The following MAGIX variants were observed in gnomAD, a reference collection of about 807,000 sequenced individuals.
The protein encoded by MAGIX is MAGI family member, X-linked.
Under a neutral mutation model 10.0 loss-of-function variants are expected in MAGIX, and 13 were observed. The observed-to-expected ratio is 1.30, with a 90% CI of 0.84 to 2.06. The LOEUF is 2.06. Ranked by LOEUF, MAGIX falls within the 30% of genes most tolerant of loss-of-function variation. The pLI is 0.00. For missense variants in MAGIX, 235 were observed against 245.2 expected (o/e 0.96, Z 0.28); for synonymous variants, 108 against 106.8 (o/e 1.01, Z -0.07).
chrX:49,165,680 C>T (rs1304075017), intron 4 of MAGIX: 1 of 310,627 alleles, frequency 3.2e-6, no homozygotes, highest in East Asian at 5.1e-5. Context: ...TTCTCAGAGG[C>T]GAAGGCAGAG....
chrX:49,163,890 C>T lies in MAGIX; in HGVS notation c.-94C>T, dbSNP rs782090409. The T allele has an allele frequency of 6.3e-5, 65 of 1,029,289 alleles. No individual in the cohort carries two copies. The African/African-American group carries it at 8.3e-4, about 13-fold the overall frequency. 84.8% of individuals were successfully genotyped at this position (1,029,289 alleles called of 1,213,427 possible). On this transcript the variant is annotated 5_prime_UTR_variant, in exon 2 of 5. Coordinates refer to ENST00000616266, the Ensembl canonical transcript of MAGIX. ...TGCGGTCGACGTGGCAGCGCTGGTA[C>T]GCAGGGCGGGCGCCACATTGCGCCT...
chrX:49,165,757 A>G, intron 4 of MAGIX: 1 of 330,889 alleles, frequency 3.0e-6, no homozygotes, highest in Non-Finnish European at 5.2e-6. Context: ...TGAAAAACAA[A>G]GGGTCGGTGG....
chrX:49,165,169 G>T (rs1557097488), intron 3 of MAGIX, 21 bp from the exon 5 acceptor site: 2 of 1,198,708 alleles, frequency 1.7e-6, no homozygotes, highest in African/African-American at 3.5e-5. Context: ...TTTCCAACAC[G>T]ACTGCATTGC....
chrX:49,165,265 C>T lies in MAGIX; in HGVS notation c.406C>T (p.Arg136Ter), dbSNP rs192451933. 1.1e-5 allele frequency: 13 copies of T among 1,179,987 alleles called. No homozygotes were observed. The highest frequency in any genetic ancestry group is 9.4e-5 in the East Asian group (3 of 31,782). ...CCATGCCCAGGCCGTGGAGCGGATC[C>T]GAGCTGGAGGCCCCCAGCTCCACCT... is the stretch of plus-strand genomic sequence containing the variant. The change falls in exon 4 of 5, where the codon CGA (arginine) becomes TGA (stop). Residue 136 changes from arginine (R) to a stop codon, truncating the protein, a stop_gained. Coordinates refer to ENST00000616266, the Ensembl canonical transcript of MAGIX. LOFTEE classifies it high-confidence loss of function.
At chrX:49,163,840 A>T in exon 2 of MAGIX, 1 of 1,039,173 alleles carries the variant, frequency 9.6e-7, no homozygotes, top group Non-Finnish European at 1.2e-6. Context: ...GCGCGGTTGG[A>T]CGCGCGCCCC....
intron 2 of MAGIX, chrX:49,164,141 A>G (rs1268555229): frequency 6.5e-6 from 2 of 306,718 alleles, no homozygotes; most frequent in Non-Finnish European, 1.1e-5. Context: ...GGCGAGGGCT[A>G]GATTAGATGA....
At chrX:49,165,282 G>C (rs1776294410) in exon 4 of MAGIX, 1 of 1,181,217 alleles carries the variant, frequency 8.5e-7, no homozygotes, top group African/African-American at 1.8e-5. Flanking sequence ...GAGGCCCCCA[G>C]CTCCACCTGG....
chrX:49,166,754 C>A, exon 5 of MAGIX: 1 of 188,156 alleles, frequency 5.3e-6, no homozygotes. Flanking sequence ...TTCCTGCTTG[C>A]ACATGTTATC....
intron 4 of MAGIX, 40 bp from the exon 6 acceptor site, chrX:49,166,034 G>A (rs2065364033): frequency 8.5e-7 from 1 of 1,173,098 alleles, no homozygotes; most frequent in Non-Finnish European, 1.2e-6. Context: ...CAAAGGCCTG[G>A]ATTTCCCTTC....
chrX:49,165,415 C>T, intron 4 of MAGIX, 54 bp downstream of exon 5: 4 of 1,043,342 alleles, frequency 3.8e-6, no homozygotes, highest in Non-Finnish European at 5.1e-6. Context: ...GGGAGAGGTT[C>T]ACAGAGTGGA....
intron 2 of MAGIX, chrX:49,164,183 GGTCCTTTTTGAGGAGGCA>G: frequency 3.6e-6 from 1 of 275,678 alleles, no homozygotes; most frequent in East Asian, 5.8e-5. Context: ...TTCTGGCGGC[GGTCCTTTTTGAGGAGGCA>G]GGGCCTGGAG....
chrX:49,168,110 C>A (rs2065378406), exon 5 of MAGIX: 2 of 111,860 alleles, frequency 1.8e-5, no homozygotes, highest in Admixed American at 1.9e-4. Flanking sequence ...CATAAAATTT[C>A]TTTGTGTAGC....
exon 5 of MAGIX, chrX:49,167,550 C>G (rs1315684075): frequency 8.9e-6 from 1 of 112,943 alleles, no homozygotes; most frequent in African/African-American, 3.2e-5. Context: ...GACCGGAATG[C>G]GAGAGTCCAG....
chrX:49,164,283 C>T (rs1431431789), intron 2 of MAGIX: 5 of 269,340 alleles, frequency 1.9e-5, no homozygotes, highest in African/African-American at 1.1e-4. Flanking sequence ...AGCCTATAGT[C>T]CCATGGGGGC....
intron 4 of MAGIX, chrX:49,165,690 G>C (rs1369557607): frequency 6.2e-6 from 2 of 321,796 alleles, no homozygotes; most frequent in Non-Finnish European, 1.1e-5. Context: ...CGAAGGCAGA[G>C]TGGATCTTAG....
chrX:49,163,749 G>T (rs201948804), intron 1 of MAGIX, 34 bp from the exon 2 acceptor site: 135 of 1,006,345 alleles, frequency 1.3e-4, no homozygotes, highest in Middle Eastern at 4.0e-4. Context: ...CCGAGGCCGA[G>T]GGTCGGCGTT....
At position 49,163,822 on chromosome X, in the gene MAGIX, A is replaced by C. The variant is rs1372695225; in HGVS notation, c.-162A>C. 4 of 1,046,546 alleles carry C rather than the reference A, an allele frequency of 3.8e-6. No homozygotes were observed. The African/African-American group carries it at 6.0e-5, about 16-fold the overall frequency. The allele number at this position is 1,046,546 out of a possible 1,213,427, so 86.2% of individuals were successfully genotyped here. A position where few individuals can be genotyped will look rare whatever the true frequency, so the allele number is the denominator to read the frequency against. On this transcript the variant is annotated 5_prime_UTR_variant, in exon 2 of 5. Coordinates refer to ENST00000616266, the Ensembl canonical transcript of MAGIX. ...CCGCTCGCGGGCCCTAGCGCCCGGC[A>C]GCTCCTGGCGCGGTTGGACGCGCGC...
At chrX:49,166,396 C>G in exon 5 of MAGIX, 1 of 1,126,739 alleles carries the variant, frequency 8.9e-7, no homozygotes. Flanking sequence ...GGCGGAGACA[C>G]TGAGCCTACC....
downstream of MAGIX, among the ~76,000 whole-genome samples, chrX:49,168,720 T>A (rs1485339851): frequency 2.3e-5 from 2 of 87,345 alleles, no homozygotes; most frequent in East Asian, 7.2e-4. Flanking sequence ...AAGGCTGCAG[T>A]GAGCCATGAT....
Sources: gnomAD v4.1 joint callset for allele counts (sites outside exome capture counted in the v4.1 genomes callset) on GRCh38, gnomAD v4.1.1 for gene constraint, MANE v1.5 for transcripts, NCBI Gene and HGNC (gene_info 2026-07-23, HGNC 2026-07-21) for gene names.